CCDC102B: variants seen among roughly 807,000 people sequenced by gnomAD.
The protein encoded by CCDC102B is coiled-coil domain containing 102B, also known as coiled-coil domain-containing protein 102B.
In CCDC102B, 75 loss-of-function variants were observed where a neutral mutation model predicts 57.4. That is an observed-to-expected ratio of 1.31 (90% CI 1.08 to 1.58). The LOEUF is 1.58. Ranked by LOEUF, CCDC102B falls within the 40% of genes most tolerant of loss-of-function variation. The pLI, the probability that CCDC102B is intolerant of heterozygous loss-of-function variation, is 0.00. For missense variants in CCDC102B, 636 were observed against 582.6 expected (o/e 1.09, Z -0.94); for synonymous variants, 206 against 201.9 (o/e 1.02, Z -0.17).
intron 6 of CCDC102B, among the ~76,000 whole-genome samples, chr18:68,981,310 G>A (rs1302103506): frequency 3.9e-5 from 6 of 152,000 alleles, no homozygotes; most frequent in African/African-American, 1.4e-4. Context: ...TAAAGTAAGA[G>A]ACTTGGGAAT....
At chr18:68,858,156 A>G (rs1253760647) in intron 4 of CCDC102B, among the ~76,000 whole-genome samples, 1 of 152,174 alleles carries the variant, frequency 6.6e-6, no homozygotes, top group Non-Finnish European at 1.5e-5. Context: ...GCAACAACTG[A>G]TCTATTTTCT....
intron 2 of CCDC102B, among the ~76,000 whole-genome samples, chr18:68,727,855 A>G (rs988475796): frequency 6.6e-6 from 1 of 152,178 alleles, no homozygotes; most frequent in African/African-American, 2.4e-5. Context: ...TAAAATCCCA[A>G]TGATTTGGGT....
chr18:68,928,561 A>G (rs1436507011), intron 6 of CCDC102B, among the ~76,000 whole-genome samples: 1 of 151,856 alleles, frequency 6.6e-6, no homozygotes, highest in Non-Finnish European at 1.5e-5. Flanking sequence ...CTTTGGATTT[A>G]TGATACAGGA....
chr18:68,733,262 A>G (rs897356765), intron 2 of CCDC102B, among the ~76,000 whole-genome samples: 1 of 152,046 alleles, frequency 6.6e-6, no homozygotes, highest in Non-Finnish European at 1.5e-5. Flanking sequence ...ATTAAAAACT[A>G]CTGTTGTTTA....
intron 1 of CCDC102B, among the ~76,000 whole-genome samples, chr18:68,804,257 G>A (rs1001389634): frequency 6.6e-6 from 1 of 152,154 alleles, no homozygotes; most frequent in Non-Finnish European, 1.5e-5. Context: ...TTGACACAGG[G>A]AACACTGTGG....
chr18:68,716,682 C>T (rs956773497), intron 2 of CCDC102B: 7 of 152,190 alleles, frequency 4.6e-5, no homozygotes, highest in Non-Finnish European at 8.8e-5. Flanking sequence ...GCCTATTATC[C>T]CAGCACTTTG....
chr18:68,897,017 A>G (rs2040265911), intron 5 of CCDC102B, among the ~76,000 whole-genome samples: 1 of 152,092 alleles, frequency 6.6e-6, no homozygotes, highest in African/African-American at 2.4e-5. Context: ...ACCAAGAGGA[A>G]AAGTATATTT....
intron 4 of CCDC102B, among the ~76,000 whole-genome samples, chr18:68,873,763 TTTTAA>T (rs995015957): frequency 3.3e-5 from 5 of 152,102 alleles, no homozygotes; most frequent in African/African-American, 1.2e-4. Context: ...AGTTTTTGTA[TTTTAA>T]TTTGTTATAA....
intron 6 of CCDC102B, among the ~76,000 whole-genome samples, chr18:68,911,051 G>C (rs978518980): frequency 1.3e-5 from 2 of 152,196 alleles, no homozygotes; most frequent in South Asian, 4.2e-4. Context: ...CTGAAAAACA[G>C]AACCGCCGTT....
chr18:68,879,855 T>C (rs1422018455), intron 5 of CCDC102B, among the ~76,000 whole-genome samples: 2 of 152,094 alleles, frequency 1.3e-5, no homozygotes, highest in Non-Finnish European at 2.9e-5. Context: ...AGAGTGCCGA[T>C]TGGTGTATTT....
At chr18:68,860,198 A>G (rs1291209337) in intron 4 of CCDC102B, among the ~76,000 whole-genome samples, 1 of 78,920 alleles carries the variant, frequency 1.3e-5, no homozygotes, top group Admixed American at 1.4e-4. Context: ...AAACTATCGC[A>G]AGAACAAAAA....
chr18:68,854,131 G>A (rs11151468), intron 4 of CCDC102B, among the ~76,000 whole-genome samples: 54,252 of 150,124 alleles, frequency 0.36, 10,466 homozygotes, highest in East Asian at 0.66. Context: ...ACGGAGTTCC[G>A]CTCTTGTTGC....
intron 6 of CCDC102B, among the ~76,000 whole-genome samples, chr18:68,924,693 T>C (rs2041416296): frequency 6.6e-6 from 1 of 152,068 alleles, no homozygotes; most frequent in African/African-American, 2.4e-5. Context: ...AGGGGACTTA[T>C]CAATAGGCCT....
At chr18:69,044,934 C>T (rs73967784) in intron 7 of CCDC102B, among the ~76,000 whole-genome samples, 1 of 152,098 alleles carries the variant, frequency 6.6e-6, no homozygotes, top group African/African-American at 2.4e-5. Context: ...AAAGTATCAG[C>T]CAGGTTGGTT....
chr18:69,038,238 G>T (rs2052346483), intron 7 of CCDC102B, among the ~76,000 whole-genome samples: 1 of 151,814 alleles, frequency 6.6e-6, no homozygotes, highest in South Asian at 2.1e-4. Context: ...TTTAATGTCT[G>T]CAGAATGTTC....
intron 4 of CCDC102B, among the ~76,000 whole-genome samples, chr18:68,869,532 A>C (rs559158405): frequency 6.6e-6 from 1 of 152,342 alleles, no homozygotes; most frequent in African/African-American, 2.4e-5. Context: ...GTAAAAGGAA[A>C]CAAAGAACTT....
chr18:69,035,195 AATG>A (rs2052256355), intron 7 of CCDC102B, among the ~76,000 whole-genome samples: 1 of 152,074 alleles, frequency 6.6e-6, no homozygotes, highest in Non-Finnish European at 1.5e-5. Flanking sequence ...AAGTTCAATA[AATG>A]ATTTTAGCAA....
At chr18:68,729,539 T>TA (rs1178434173) in intron 2 of CCDC102B, among the ~76,000 whole-genome samples, 1 of 152,184 alleles carries the variant, frequency 6.6e-6, no homozygotes, top group East Asian at 1.9e-4. Context: ...CATGACTTGA[T>TA]ATATCACGTT....
chr18:68,736,710 A>C (rs1025222562), intron 2 of CCDC102B, among the ~76,000 whole-genome samples: 1 of 152,102 alleles, frequency 6.6e-6, no homozygotes, highest in African/African-American at 2.4e-5. Flanking sequence ...TGATAAACCC[A>C]TCAGATCTCA....
Sources: allele counts gnomAD v4.1 joint callset (sites outside exome capture counted in the v4.1 genomes callset), GRCh38; gene constraint gnomAD v4.1.1; transcripts MANE v1.5; gene names NCBI Gene and HGNC (gene_info 2026-07-23, HGNC 2026-07-21).